Variants in GREB1 observed in about 807,000 individuals in gnomAD.
GREB1 encodes the protein protein GREB1.
GREB1 carries 106 observed loss-of-function variants against 200.7 expected under a neutral mutation model. The ratio of observed to expected loss-of-function variants is 0.53; its 90% CI spans 0.45 to 0.62. The LOEUF (loss-of-function observed/expected upper bound fraction) is 0.62. Among genes scored for constraint, GREB1 ranks in the 20% least tolerant of loss-of-function variants. The probability of loss-of-function intolerance (pLI) is 0.00; values close to 1 mark genes in which losing one functional copy is unlikely to be tolerated. For missense variants in GREB1, 2,243 were observed against 2,556.8 expected, an observed-to-expected ratio of 0.88 and a Z score of 2.65; for synonymous variants, 1,132 against 1,092.4, an observed-to-expected ratio of 1.04 and a Z score of -0.72.
chr2:11,631,893 T>C lies in GREB1; in HGVS notation c.4612-16T>C, dbSNP rs1302559497. The C allele has an allele frequency of 6.3e-7, 1 of 1,594,102 alleles. No individual in the cohort carries two copies. Among genetic ancestry groups the C allele is most frequent in the Non-Finnish European group, 8.6e-7 (1 of 1,162,336 alleles). ...CATTTACAAACACTCTACCTCATGATACCTGTACTTTGCAGAGCCATGAAT... is the reference window on the plus strand; with the variant it reads ...CATTTACAAACACTCTACCTCATGACACCTGTACTTTGCAGAGCCATGAAT... On this transcript the variant is annotated splice_polypyrimidine_tract_variant and intron_variant, in intron 26 of 32. Coordinates refer to ENST00000381486, the MANE Select transcript of GREB1 (RefSeq NM_014668.4).
chr2:11,631,818 T>G, intron 26 of GREB1, 91 bp from the exon 27 acceptor site: 1 of 985,574 alleles, frequency 1.0e-6, no homozygotes, highest in Non-Finnish European at 1.6e-6. Context: ...GTCATCATTC[T>G]TTGACGGAAA....
chr2:11,572,642 C>T (rs548468116), intron 4 of GREB1, among the ~76,000 whole-genome samples: 81 of 152,096 alleles, frequency 5.3e-4, no homozygotes, highest in Middle Eastern at 3.4e-3. Context: ...CCTAGGGCCA[C>T]ATGTGAGTGT....
chr2:11,567,486 G>T (rs1051323991), intron 4 of GREB1, among the ~76,000 whole-genome samples: 1 of 152,122 alleles, frequency 6.6e-6, no homozygotes, highest in Non-Finnish European at 1.5e-5. Flanking sequence ...ATTGCTCAAG[G>T]CCGCGTGAGT....
intron 2 of GREB1, 40 bp downstream of exon 2, chr2:11,556,811 A>G (rs371530007): frequency 2.3e-5 from 35 of 1,542,024 alleles, no homozygotes; most frequent in Non-Finnish European, 3.1e-5. Flanking sequence ...TATTTCTTTT[A>G]TTGTGCGCAG....
chr2:11,530,044 T>G (rs1314735467), upstream of GREB1, among the ~76,000 whole-genome samples: 5 of 152,046 alleles, frequency 3.3e-5, no homozygotes, highest in Non-Finnish European at 7.4e-5. Context: ...AGGTGATTTT[T>G]TATTTTATTT....
At position 11,638,754 on chromosome 2, in the gene GREB1, C is replaced by T; in HGVS notation, c.5631C>T (p.Tyr1877=). 5 of 1,614,154 alleles carry T rather than the reference C, an allele frequency of 3.1e-6. No homozygotes were observed. The highest frequency in any genetic ancestry group is 4.2e-6 in the Non-Finnish European group (5 of 1,179,974). ...SDLLFSGLLL[Y]LCDSFVGASF... Reference sequence around the variant, plus strand: ...TGCTGTTCAGTGGGCTGCTGCTGTACCTCTGTGACTCTTTTGTGGGAGCTA... The same window carrying T: ...TGCTGTTCAGTGGGCTGCTGCTGTATCTCTGTGACTCTTTTGTGGGAGCTA... Residue 1877 remains tyrosine (Y), a synonymous_variant, in exon 32 of 33, where the codon TAC becomes TAT. Transcript: ENST00000381486.
intron 1 of GREB1, among the ~76,000 whole-genome samples, chr2:11,528,814 A>AT (rs1327260433): frequency 6.6e-6 from 1 of 152,262 alleles, no homozygotes; most frequent in East Asian, 1.9e-4. Flanking sequence ...ACCAGACAAT[A>AT]TTTTTTAGAA....
chr2:11,502,399 T>TC (rs1193023564), intron 1 of GREB1, among the ~76,000 whole-genome samples: 2 of 150,884 alleles, frequency 1.3e-5, no homozygotes, highest in African/African-American at 4.9e-5. Flanking sequence ...TTTTTTTTTT[T>TC]TTTGTAGAAA....
chr2:11,626,147 A>G (rs1684433524), intron 24 of GREB1, among the ~76,000 whole-genome samples: 1 of 152,178 alleles, frequency 6.6e-6, no homozygotes, highest in Admixed American at 6.6e-5. Flanking sequence ...CAGACAAACC[A>G]TATCAGTGAC....
chr2:11,532,460 T>C (rs976408374), upstream of GREB1, among the ~76,000 whole-genome samples: 1 of 152,234 alleles, frequency 6.6e-6, no homozygotes, highest in Non-Finnish European at 1.5e-5. Flanking sequence ...AAAGTAGTTA[T>C]CTTTCCTTAC....
chr2:11,587,783 G>A (rs1453719149), intron 9 of GREB1: 1 of 1,099,914 alleles, frequency 9.1e-7, no homozygotes, highest in Admixed American at 5.2e-5. Context: ...GGATTTGATA[G>A]CTTCACCGCT....
At position 11,618,370 on chromosome 2, in the gene GREB1, C is replaced by T. The variant is rs1683687032; in HGVS notation, c.3495C>T (p.Gly1165=). 6 of 1,611,284 alleles carry T rather than the reference C, an allele frequency of 3.7e-6. No homozygotes were observed. The highest frequency in any genetic ancestry group is 5.1e-6 in the Non-Finnish European group (6 of 1,178,958). Residue 1165 remains glycine, a synonymous_variant, in exon 22 of 33, where the codon GGC becomes GGT. Transcript: ENST00000381486. ...ATGCCAGGTCGCCCCAGCCCCGTGGCCCCGCAGAGGAGGGCAGAGCCCCTG... is the reference window on the plus strand; with the variant it reads ...ATGCCAGGTCGCCCCAGCCCCGTGGTCCCGCAGAGGAGGGCAGAGCCCCTG... The part of the protein sequence containing the change: ...GEHARSPQPR[G]PAEEGRAPGE...
At chr2:11,576,712 A>G (rs565048233) in intron 5 of GREB1, among the ~76,000 whole-genome samples, 177 bp downstream of exon 5, 1 of 152,256 alleles carries the variant, frequency 6.6e-6, no homozygotes, top group African/African-American at 2.4e-5. Flanking sequence ...GCTGGTTGAC[A>G]GTGACAGTCT....
rs537863313 is a variant in GREB1 at position 11,523,160 on chromosome 2, T to C, written c.-158-33297T>C. ...CCAAACACTGCAATGTTCTCACTTA[T>C]AAATGGGAGCTAAATGATGAGAACC... On this transcript the variant is annotated intron_variant, in intron 1 of 2. Transcript: ENST00000628795. Among the ~76,000 whole-genome samples, 6 of 152,192 alleles carry C rather than the reference T, an allele frequency of 3.9e-5. No homozygotes were observed. The East Asian group carries it at 9.7e-4, about 25-fold the overall frequency.
intron 9 of GREB1, chr2:11,588,025 A>C (rs1572832578): frequency 1.2e-6 from 1 of 804,574 alleles, no homozygotes; most frequent in Non-Finnish European, 1.5e-6. Context: ...CAGAAGTTCA[A>C]GATCAGCCTG....
At chr2:11,620,846 G>C (rs1683950022) in intron 22 of GREB1, 59 bp from the exon 23 acceptor site, 5 of 968,510 alleles carry the variant, frequency 5.2e-6, no homozygotes, top group Non-Finnish European at 6.7e-6. Flanking sequence ...TGTTCAGCCG[G>C]TGCCTGGCAC....
rs773897562 is a variant in GREB1 at position 11,578,308 on chromosome 2, C to T, written c.649C>T (p.Arg217Trp). ...ICWKGSEFRS[R>W]QIPASTCSSS... ...CCTTGCCCCCTTAGAGTTTAGAAGCCGGCAGATCCCCGCCAGTACTTGTTC... is the reference window on the plus strand; with the variant it reads ...CCTTGCCCCCTTAGAGTTTAGAAGCTGGCAGATCCCCGCCAGTACTTGTTC... Residue 217 changes from arginine (R) to tryptophan (W), a missense_variant, in exon 6 of 33, where the codon CGG (arginine) becomes TGG (tryptophan). By Grantham distance (101) the Arg-to-Trp change is moderately radical (BLOSUM62 -3). This residue lies in a region of GREB1 where 1,178 missense variants were observed against 1,387.4 expected (regional missense o/e 0.85). Coordinates refer to ENST00000381486, the MANE Select transcript of GREB1 (RefSeq NM_014668.4). 93 of 1,612,850 alleles carry T rather than the reference C, an allele frequency of 5.8e-5. No individual in the cohort carries two copies. The highest frequency in any genetic ancestry group is 1.5e-4 in the African/African-American group (11 of 75,010).
intron 23 of GREB1, among the ~76,000 whole-genome samples, chr2:11,622,059 A>G (rs1684054567): frequency 6.6e-6 from 1 of 152,078 alleles, no homozygotes. Flanking sequence ...TTTTATGGGG[A>G]TTAAATGTGA....
chr2:11,625,868 T>G (rs535277645), intron 24 of GREB1, among the ~76,000 whole-genome samples: 2 of 152,262 alleles, frequency 1.3e-5, no homozygotes, highest in Admixed American at 1.3e-4. Flanking sequence ...GAGGCTTAAT[T>G]GACTCACAGT....
Sources: allele counts gnomAD v4.1 joint callset (sites outside exome capture counted in the v4.1 genomes callset), GRCh38; gene constraint gnomAD v4.1.1; regional missense constraint gnomAD v4.1.1; transcripts MANE v1.5; gene names NCBI Gene and HGNC (gene_info 2026-07-23, HGNC 2026-07-21).